Variants in EPHX2 observed in about 807,000 individuals in gnomAD.
EPHX2 encodes the protein epoxide hydrolase 2, also known as bifunctional epoxide hydrolase 2.
EPHX2 carries 74 observed loss-of-function variants against 78.7 expected under a neutral mutation model. The observed-to-expected ratio is 0.94, with a 90% CI of 0.78 to 1.14. EPHX2 has a LOEUF of 1.14. Ranked by LOEUF, EPHX2 falls within the 50% of genes most tolerant of loss-of-function variation. EPHX2 has a pLI of 0.00. For synonymous variants in EPHX2, 251 were observed against 255.2 expected, an observed-to-expected ratio of 0.98 and a Z score of 0.16; for missense variants, 715 against 702.5, an observed-to-expected ratio of 1.02 and a Z score of -0.20.
chr8:27,500,044 G>A (rs1023913397), intron 1 of EPHX2, among the ~76,000 whole-genome samples: 1 of 152,136 alleles, frequency 6.6e-6, no homozygotes, highest in Admixed American at 6.5e-5. Flanking sequence ...TTGGGATGGG[G>A]GTATACAACC....
In EPHX2 at chr8:27,514,309, A is replaced by G. The variant is rs141099702; in HGVS notation, c.736-1409A>G. On this transcript the variant is annotated intron_variant, in intron 6 of 18. Transcript: ENST00000521400. ...GCAACAAAGTGAGACCATGTCCCCC[A>G]CACTGCCCAAAAAAGAAACTTCCAG... Among the ~76,000 whole-genome samples the G allele has an allele frequency of 2.9e-3, 440 of 152,238 alleles. 2 individuals carry two copies. The highest frequency in any genetic ancestry group is 0.01 in the African/African-American group (429 of 41,546).
At chr8:27,516,449 C>T in intron 8 of EPHX2, 51 bp downstream of exon 8, 2 of 1,545,282 alleles carry the variant, frequency 1.3e-6, no homozygotes, top group Non-Finnish European at 1.8e-6. Flanking sequence ...CTTCTACCTG[C>T]CTGAGCGCTC....
At chr8:27,540,973 T>TA (rs1563364339) in intron 15 of EPHX2, among the ~76,000 whole-genome samples, 2 of 152,180 alleles carry the variant, frequency 1.3e-5, no homozygotes, top group Non-Finnish European at 2.9e-5. Context: ...CAGAAAAACA[T>TA]AAAAATCCAC....
At chr8:27,542,685 A>C (rs189205615) in intron 16 of EPHX2, among the ~76,000 whole-genome samples, 1 of 152,222 alleles carries the variant, frequency 6.6e-6, no homozygotes, top group East Asian at 1.9e-4. Flanking sequence ...TCAGTTGCCC[A>C]GGCTAGAATG....
At chr8:27,511,802 G>T in intron 5 of EPHX2, 34 bp from the exon 6 acceptor site, 5 of 1,607,778 alleles carry the variant, frequency 3.1e-6, no homozygotes, top group Non-Finnish European at 4.3e-6. Flanking sequence ...GGAGGCTGCT[G>T]CTGTCTCTCT....
At chr8:27,543,432 AG>A (rs1815475825) in intron 16 of EPHX2, among the ~76,000 whole-genome samples, 1 of 152,060 alleles carries the variant, frequency 6.6e-6, no homozygotes, top group South Asian at 2.1e-4. Context: ...TATTTAATTC[AG>A]GGAAGAGGAA....
At chr8:27,512,131 A>ACATTTGT in intron 6 of EPHX2, 1 of 518,604 alleles carries the variant, frequency 1.9e-6, no homozygotes, top group East Asian at 3.2e-5. Flanking sequence ...ACCAGCAGTG[A>ACATTTGT]CATTTGTTAA....
Position 27,535,615 on chromosome 8 carries a change from C to T in EPHX2, c.1171-1169C>T, listed in dbSNP as rs377075845. Among the ~76,000 whole-genome samples, 45 of 152,258 alleles carry T rather than the reference C, an allele frequency of 3.0e-4. 1 individual carries two copies. Among genetic ancestry groups the T allele is most frequent in the East Asian group, 1.9e-4 (1 of 5,186 alleles). ...AAACGACAGCTTGAATTAAAATTGT[C>T]CTCTTATGCTCCAAAAAGCCATGAA... On this transcript the variant is annotated intron_variant, in intron 12 of 18. Coordinates refer to ENST00000521400, the MANE Select transcript of EPHX2 (RefSeq NM_001979.6).
chr8:27,508,532 C>A (rs189880247), intron 5 of EPHX2, among the ~76,000 whole-genome samples: 10 of 152,334 alleles, frequency 6.6e-5, no homozygotes, highest in Admixed American at 5.2e-4. Flanking sequence ...CAGACTTGGG[C>A]TCAGGGAACC....
In EPHX2 at chr8:27,538,691, G is replaced by A. The variant is rs4149253; in HGVS notation, c.1275G>A (p.Ala425=). The change falls in exon 14 of 19, where the codon GCG becomes GCA. Residue 425 remains alanine (A), a splice_region_variant and synonymous_variant. Coordinates refer to ENST00000521400, the MANE Select transcript of EPHX2 (RefSeq NM_001979.6). ...SVLSMHKVCE[A]GGLFVNSPEE... is the part of the protein sequence containing the mutation. ...TATCCATGCATAAAGTCTGTGAAGCGGGTAAGAGACATGCTTGGGAGAGCC... is the reference window on the plus strand; with the variant it reads ...TATCCATGCATAAAGTCTGTGAAGCAGGTAAGAGACATGCTTGGGAGAGCC... The A allele has an allele frequency of 0.064, 103,434 of 1,613,174 alleles. 4,292 individuals carry two copies. Among genetic ancestry groups the A allele is most frequent in the East Asian group, 0.21 (9,336 of 44,852 alleles).
At chr8:27,497,112 A>G (rs1014452221) in intron 1 of EPHX2, among the ~76,000 whole-genome samples, 12 of 152,280 alleles carry the variant, frequency 7.9e-5, no homozygotes, top group East Asian at 1.9e-4. Flanking sequence ...TAACACTGAG[A>G]AGTCTGCACC....
In EPHX2 at chr8:27,516,405, G is replaced by A. The variant is rs2132746582; in HGVS notation, c.910+7G>A. The A allele has an allele frequency of 6.2e-7, 1 of 1,613,760 alleles. No homozygotes were observed. Among genetic ancestry groups the A allele is most frequent in the Non-Finnish European group, 8.5e-7 (1 of 1,179,706 alleles). ...GAGTCATCTGCTCCTCCCGGTGGGT[G>A]TGCTGTCTTGCAGCTGTCTTATGCT... is the stretch of plus-strand genomic sequence containing the variant. On this transcript the variant is annotated splice_region_variant and intron_variant, in intron 8 of 18. Transcript: ENST00000521400.
chr8:27,497,417 T>G (rs1436611208), intron 1 of EPHX2, among the ~76,000 whole-genome samples: 3 of 152,218 alleles, frequency 2.0e-5, no homozygotes, highest in Non-Finnish European at 4.4e-5. Context: ...GTGATTGGCC[T>G]GCTCTGTTTT....
chr8:27,538,844 A>T, intron 14 of EPHX2, 152 bp downstream of exon 14: 2 of 769,746 alleles, frequency 2.6e-6, no homozygotes, highest in Non-Finnish European at 2.2e-6. Flanking sequence ...CATAGGGCTG[A>T]CTCTAACCCC....
intron 16 of EPHX2, among the ~76,000 whole-genome samples, chr8:27,542,673 G>T (rs931409533): frequency 9.2e-5 from 14 of 152,036 alleles, no homozygotes; most frequent in Non-Finnish European, 1.5e-4. Context: ...AGACAGTCTT[G>T]CTCAGTTGCC....
chr8:27,507,326 G>T (rs1033833372), intron 5 of EPHX2, among the ~76,000 whole-genome samples: 1 of 152,152 alleles, frequency 6.6e-6, no homozygotes, highest in Non-Finnish European at 1.5e-5. Context: ...TAAGGATCAG[G>T]GCCCCTACCT....
chr8:27,506,812 C>T (rs1814022590), intron 4 of EPHX2, 60 bp from the exon 5 acceptor site: 1 of 1,584,036 alleles, frequency 6.3e-7, no homozygotes, highest in South Asian at 1.2e-5. Context: ...CATAAAATAG[C>T]CCCTGTTTGC....
rs373669552 is a variant in EPHX2, at chr8:27,504,117, G to T, written c.346+354G>T. 2.0e-5 allele frequency among the ~76,000 whole-genome samples: 3 copies of T among 152,280 alleles called. No homozygotes were observed. In the East Asian group the frequency reaches 5.8e-4, roughly 29 times the overall value. On this transcript the variant is annotated intron_variant, in intron 3 of 18. Coordinates refer to ENST00000521400, the MANE Select transcript of EPHX2 (RefSeq NM_001979.6). Reference sequence around the variant, plus strand: ...CAACTGTGATTTTCTTAGCCTCTGGGTATCAGAGTGTCCAAGCTATGAGTT... The same window carrying T: ...CAACTGTGATTTTCTTAGCCTCTGGTTATCAGAGTGTCCAAGCTATGAGTT...
chr8:27,498,871 T>A (rs1813666496), intron 1 of EPHX2, among the ~76,000 whole-genome samples: 2 of 152,374 alleles, frequency 1.3e-5, no homozygotes, highest in South Asian at 4.1e-4. Context: ...AATTTAATGC[T>A]ATGTAATTGT....
Sources: gnomAD v4.1 joint callset for allele counts (sites outside exome capture counted in the v4.1 genomes callset) on GRCh38, gnomAD v4.1.1 for gene constraint, MANE v1.5 for transcripts, NCBI Gene and HGNC (gene_info 2026-07-23, HGNC 2026-07-21) for gene names.